The following BNC2 variants were observed in gnomAD, a reference collection of about 807,000 sequenced individuals.
BNC2 encodes the protein basonuclin zinc finger protein 2.
Under a neutral mutation model 76.3 loss-of-function variants are expected in BNC2, and 20 were observed. The ratio of observed to expected loss-of-function variants is 0.26; its 90% CI spans 0.18 to 0.38. The LOEUF (loss-of-function observed/expected upper bound fraction) is 0.38. Ranked by LOEUF, BNC2 falls within the 10% of genes least tolerant of loss-of-function variation. The pLI is 1.00. For missense variants in BNC2, 1,382 were observed against 1,399.8 expected, an observed-to-expected ratio of 0.99 and a Z score of 0.20; for synonymous variants, 582 against 514.8, an observed-to-expected ratio of 1.13 and a Z score of -1.77.
chr9:16,704,802 T>C (rs1036189379), intron 3 of BNC2: 2 of 151,348 alleles, frequency 1.3e-5, no homozygotes, highest in African/African-American at 4.9e-5. Context: ...AACAGATCAG[T>C]CCTGGCCTTC....
intron 3 of BNC2, among the ~76,000 whole-genome samples, chr9:16,652,591 T>C (rs1292948024): frequency 6.6e-6 from 1 of 152,230 alleles, no homozygotes; most frequent in Non-Finnish European, 1.5e-5. Context: ...TTATTTTACT[T>C]GAAAAAGAGA....
In BNC2 at chr9:16,593,008, C is replaced by T. The variant is rs139817534; in HGVS notation, c.331-9923G>A. Among the ~76,000 whole-genome samples the T allele has an allele frequency of 4.8e-3, 735 of 151,564 alleles. 3 individuals carry two copies. Among genetic ancestry groups the T allele is most frequent in the Middle Eastern group, 0.034 (10 of 292 alleles). On this transcript the variant is annotated intron_variant, in intron 3 of 6. Coordinates refer to ENST00000380672, the MANE Select transcript of BNC2 (RefSeq NM_017637.6). Reference sequence around the variant, plus strand: ...TTCAAATATTTGCGGGGCAAAAAAGCAAAAGCAAAAACAAAAACAAAACTT... The same window carrying T: ...TTCAAATATTTGCGGGGCAAAAAAGTAAAAGCAAAAACAAAAACAAAACTT...
intron 1 of BNC2, among the ~76,000 whole-genome samples, chr9:16,860,307 A>C (rs1193578234): frequency 1.3e-5 from 2 of 152,200 alleles, no homozygotes; most frequent in Non-Finnish European, 2.9e-5. Context: ...TACAGTAGTC[A>C]AGACAGTGTG....
intron 1 of BNC2, among the ~76,000 whole-genome samples, chr9:16,751,682 ATG>A (rs1825212574): frequency 2.6e-5 from 1 of 39,130 alleles, no homozygotes; most frequent in African/African-American, 5.4e-5. Flanking sequence ...GTATATATAT[ATG>A]TATGTGTGTA....
chr9:16,550,061 T>G (rs1818612151), intron 5 of BNC2, among the ~76,000 whole-genome samples: 1 of 152,094 alleles, frequency 6.6e-6, no homozygotes. Context: ...TAAGCAGTAT[T>G]TCACCCTAAA....
intron 1 of BNC2, among the ~76,000 whole-genome samples, chr9:16,869,764 G>A (rs554134325): frequency 3.9e-5 from 6 of 152,182 alleles, no homozygotes; most frequent in African/African-American, 1.4e-4. Flanking sequence ...GTCGCTTCTC[G>A]TAGAGGGGCT....
rs1441892722 is a variant in BNC2 at position 16,415,500 on chromosome 9, T to C, written c.*3489A>G. On this transcript the variant is annotated 3_prime_UTR_variant, in exon 7 of 7. Transcript: ENST00000380672. ...CATCACTATTAATTTTCAGCCAGCA[T>C]AGAATGCATGTGGCTTGAGAGAAAC... 1 of 152,644 alleles carries C rather than the reference T, an allele frequency of 6.6e-6. No homozygotes were observed. The highest frequency in any genetic ancestry group is 1.5e-5 in the Non-Finnish European group (1 of 68,038). The allele number at this position is 152,644 out of a possible 1,614,324, so 9.5% of individuals were successfully genotyped here.
chr9:16,802,467 A>G (rs1331162630), intron 1 of BNC2, among the ~76,000 whole-genome samples: 1 of 152,226 alleles, frequency 6.6e-6, no homozygotes, highest in Non-Finnish European at 1.5e-5. Flanking sequence ...TTTGTACAGC[A>G]AGAAATGATT....
intron 3 of BNC2, among the ~76,000 whole-genome samples, chr9:16,649,869 G>C (rs1821743080): frequency 6.6e-6 from 1 of 152,104 alleles, no homozygotes; most frequent in African/African-American, 2.4e-5. Context: ...GTAAACTTCA[G>C]AGGTACCCCA....
At chr9:16,670,361 G>C (rs1421356791) in intron 3 of BNC2, among the ~76,000 whole-genome samples, 1 of 152,082 alleles carries the variant, frequency 6.6e-6, no homozygotes, top group Non-Finnish European at 1.5e-5. Context: ...TGTCACCCAG[G>C]CTGGAATTCA....
At chr9:16,451,200 G>A (rs1262043163) in intron 5 of BNC2, among the ~76,000 whole-genome samples, 2 of 152,078 alleles carry the variant, frequency 1.3e-5, no homozygotes, top group Admixed American at 6.6e-5. Flanking sequence ...CTCAAAGAAG[G>A]TAAGCACCAA....
At chr9:16,592,220 T>A (rs968318534) in intron 3 of BNC2, among the ~76,000 whole-genome samples, 1 of 152,160 alleles carries the variant, frequency 6.6e-6, no homozygotes, top group African/African-American at 2.4e-5. Context: ...CTGGGAAAAG[T>A]TGACCTTTGA....
chr9:16,555,366 G>A (rs1391582680), intron 4 of BNC2, among the ~76,000 whole-genome samples: 2 of 152,086 alleles, frequency 1.3e-5, no homozygotes, highest in Non-Finnish European at 2.9e-5. Flanking sequence ...ACTGTTAAGG[G>A]TACAGAAGAA....
At chr9:16,723,354 A>G (rs1269342555) in intron 3 of BNC2, among the ~76,000 whole-genome samples, 1 of 152,096 alleles carries the variant, frequency 6.6e-6, no homozygotes, top group Non-Finnish European at 1.5e-5. Context: ...AGGGATGTCT[A>G]TTTGAGTGGG....
chr9:16,823,953 T>A (rs1203770886), intron 1 of BNC2, among the ~76,000 whole-genome samples: 3 of 152,218 alleles, frequency 2.0e-5, no homozygotes, highest in Admixed American at 6.5e-5. Flanking sequence ...TACAGACAAT[T>A]ATAATTAATC....
intron 5 of BNC2, among the ~76,000 whole-genome samples, chr9:16,484,259 G>A (rs62540633): frequency 0.12 from 18,156 of 152,106 alleles, 1,640 homozygotes; most frequent in African/African-American, 0.25. Flanking sequence ...GTGACAGAAT[G>A]TTTTTATTCC....
chr9:16,526,699 C>T (rs1317802274), intron 5 of BNC2, among the ~76,000 whole-genome samples: 2 of 152,108 alleles, frequency 1.3e-5, no homozygotes, highest in African/African-American at 4.8e-5. Context: ...TGCCTGAACT[C>T]CCCATTGATA....
chr9:16,629,079 G>C (rs538869982), intron 3 of BNC2, among the ~76,000 whole-genome samples: 1 of 152,308 alleles, frequency 6.6e-6, no homozygotes, highest in African/African-American at 2.4e-5. Context: ...ATACAGAGTA[G>C]TGAAATTATT....
At chr9:16,571,156 TCTC>T (rs375065368) in intron 4 of BNC2, among the ~76,000 whole-genome samples, 9 of 152,316 alleles carry the variant, frequency 5.9e-5, no homozygotes, top group African/African-American at 2.2e-4. Context: ...ACATATGTGA[TCTC>T]CTAATTTACA....
Sources: gnomAD v4.1 joint callset for allele counts (sites outside exome capture counted in the v4.1 genomes callset) on GRCh38, gnomAD v4.1.1 for gene constraint, MANE v1.5 for transcripts, NCBI Gene and HGNC (gene_info 2026-07-23, HGNC 2026-07-21) for gene names.